The following SCAI variants were observed in gnomAD, a reference collection of about 807,000 sequenced individuals.
The protein encoded by SCAI is protein SCAI.
Under a neutral mutation model 92.2 loss-of-function variants are expected in SCAI, and 24 were observed. The observed-to-expected ratio is 0.26, with a 90% CI of 0.19 to 0.37. The LOEUF (loss-of-function observed/expected upper bound fraction) is 0.37, where lower values mean the gene tolerates loss of function less well. Among genes scored for constraint, SCAI ranks in the 10% least tolerant of loss-of-function variants. SCAI has a pLI of 1.00. For missense variants in SCAI, 450 were observed against 736.2 expected, an observed-to-expected ratio of 0.61 and a Z score of 4.50; for synonymous variants, 261 against 258.6, an observed-to-expected ratio of 1.01 and a Z score of -0.09.
chr9:125,022,260 G>T (rs1564382218), intron 6 of SCAI, among the ~76,000 whole-genome samples: 1 of 151,916 alleles, frequency 6.6e-6, no homozygotes, highest in Non-Finnish European at 1.5e-5. Flanking sequence ...TTCCTGAATT[G>T]TTCCTTTCAT....
At chr9:125,051,106 T>G (rs1168041302) in intron 3 of SCAI, among the ~76,000 whole-genome samples, 1 of 152,192 alleles carries the variant, frequency 6.6e-6, no homozygotes, top group Non-Finnish European at 1.5e-5. Flanking sequence ...CACTGCAACA[T>G]CCGCCTCCCA....
chr9:124,952,993 A>C, intron 17 of SCAI, 40 bp from the exon 18 acceptor site: 1 of 1,556,100 alleles, frequency 6.4e-7, no homozygotes, highest in South Asian at 1.1e-5. Flanking sequence ...TTTGTAGTCT[A>C]ATGAAAGAAA....
intron 14 of SCAI, among the ~76,000 whole-genome samples, chr9:124,976,836 A>G (rs1474692584): frequency 1.3e-5 from 2 of 152,252 alleles, no homozygotes; most frequent in Middle Eastern, 3.4e-3. Flanking sequence ...TTTTTAAAAT[A>G]CTCTTGAATG....
At chr9:125,107,720 A>G (rs904472032) in intron 2 of SCAI, among the ~76,000 whole-genome samples, 6 of 152,158 alleles carry the variant, frequency 3.9e-5, no homozygotes, top group African/African-American at 1.4e-4. Context: ...GTGAGTTATG[A>G]TTGTGCCACT....
At chr9:125,104,957 CAA>C (rs201424630) in intron 2 of SCAI, among the ~76,000 whole-genome samples, 61 of 95,740 alleles carry the variant, frequency 6.4e-4, no homozygotes, top group Admixed American at 5.6e-4. Context: ...GACCCTGTCT[CAA>C]AAAAAAAAAA....
intron 2 of SCAI, among the ~76,000 whole-genome samples, chr9:125,066,471 T>A (rs1351734124): frequency 6.6e-6 from 1 of 151,876 alleles, no homozygotes; most frequent in Non-Finnish European, 1.5e-5. Flanking sequence ...TTTATTTTTT[T>A]TTGAGACGGA....
At chr9:124,968,616 T>C (rs748785723) in intron 17 of SCAI, 6 of 944,386 alleles carry the variant, frequency 6.4e-6, no homozygotes, top group Non-Finnish European at 8.8e-6. Flanking sequence ...TGCTAAAGAG[T>C]CCAGTGATTC....
At chr9:125,130,151 G>C (rs959702332) in intron 2 of SCAI, among the ~76,000 whole-genome samples, 1 of 151,020 alleles carries the variant, frequency 6.6e-6, no homozygotes, top group Non-Finnish European at 1.5e-5. Context: ...CGCCCGCCTC[G>C]GCCTTCCAAA....
chr9:125,028,336 G>T, intron 5 of SCAI, 56 bp downstream of exon 5: 1 of 967,442 alleles, frequency 1.0e-6, no homozygotes. Context: ...GTATACTTCT[G>T]CATGCTGTGT....
intron 2 of SCAI, among the ~76,000 whole-genome samples, chr9:125,084,939 A>C (rs551443461): frequency 6.6e-6 from 1 of 152,312 alleles, no homozygotes; most frequent in South Asian, 2.1e-4. Flanking sequence ...CCAGGTCCCA[A>C]TTGTTCCATT....
intron 17 of SCAI, among the ~76,000 whole-genome samples, chr9:124,963,569 G>A (rs1831483307): frequency 6.6e-6 from 1 of 151,754 alleles, no homozygotes; most frequent in Non-Finnish European, 1.5e-5. Flanking sequence ...GGCCAACATG[G>A]CGAAATCCCA....
chr9:125,106,481 A>G (rs1328976427), intron 2 of SCAI, among the ~76,000 whole-genome samples: 1 of 152,008 alleles, frequency 6.6e-6, no homozygotes, highest in African/African-American at 2.4e-5. Context: ...AACAAATTAT[A>G]TACTTTATAG....
chr9:125,043,285 T>C (rs930834986), intron 3 of SCAI, among the ~76,000 whole-genome samples: 3 of 152,318 alleles, frequency 2.0e-5, no homozygotes, highest in Non-Finnish European at 4.4e-5. Context: ...CCGACTCACA[T>C]ATTCTTGTTT....
intron 3 of SCAI, 73 bp downstream of exon 3, chr9:125,055,803 T>C: frequency 7.4e-7 from 1 of 1,343,620 alleles, no homozygotes; most frequent in Non-Finnish European, 1.0e-6. Context: ...TTTCGGAAAC[T>C]TACCACACAT....
At position 125,026,855 on chromosome 9, in the gene SCAI, T is replaced by C. The variant is rs759108347; in HGVS notation, c.469A>G (p.Ile157Val). 11 of 1,607,280 alleles carry C rather than the reference T, an allele frequency of 6.8e-6. No individual in the cohort carries two copies. The highest frequency in any genetic ancestry group is 3.3e-5 in the Admixed American group (2 of 59,736). The change falls in exon 6 of 18, where the codon ATC (isoleucine) becomes GTC (valine). Residue 157 changes from isoleucine to valine, a missense_variant. Ile to Val is a conservative substitution (Grantham distance 29, BLOSUM62 3). Around this residue, in one of 3 missense-constraint regions of SCAI, gnomAD observed 360 missense variants for 601.8 expected, o/e 0.60. Coordinates refer to ENST00000336505, the MANE Select transcript of SCAI (RefSeq NM_001144877.3). ...LNEAFSFYSA[I>V]RQRSYYSQVN... ...TGAGAATAATATGATCTCTGTCTGATTGCAGAATAGAAGGAAAAAGCCTCA... is the reference window on the plus strand; with the variant it reads ...TGAGAATAATATGATCTCTGTCTGACTGCAGAATAGAAGGAAAAAGCCTCA...
At chr9:125,104,268 T>G (rs938751204) in intron 2 of SCAI, among the ~76,000 whole-genome samples, 1 of 152,166 alleles carries the variant, frequency 6.6e-6, no homozygotes, top group Non-Finnish European at 1.5e-5. Context: ...GCAGAAGTGA[T>G]TGGAAAAACG....
chr9:125,024,333 T>A (rs1279357475), intron 6 of SCAI, among the ~76,000 whole-genome samples: 1 of 151,166 alleles, frequency 6.6e-6, no homozygotes, highest in Non-Finnish European at 1.5e-5. Flanking sequence ...CTGAGTGCAG[T>A]GGCGCCATCT....
chr9:124,990,759 A>G (rs1162287769), intron 14 of SCAI, among the ~76,000 whole-genome samples: 3 of 152,214 alleles, frequency 2.0e-5, no homozygotes, highest in African/African-American at 7.2e-5. Flanking sequence ...GCCAAAAACT[A>G]TTTGAAGAGC....
At chr9:124,968,299 C>T (rs1831579903) in intron 17 of SCAI, 3 of 1,190,420 alleles carry the variant, frequency 2.5e-6, no homozygotes, top group African/African-American at 1.5e-5. Context: ...GGGCATCAAG[C>T]GTCTTCTCCA....
Sources: gnomAD v4.1 joint callset for allele counts (sites outside exome capture counted in the v4.1 genomes callset) on GRCh38, gnomAD v4.1.1 for gene constraint, gnomAD v4.1.1 regional missense constraint, MANE v1.5 for transcripts, NCBI Gene and HGNC (gene_info 2026-07-23, HGNC 2026-07-21) for gene names.